MSTO1: variants seen among roughly 807,000 people sequenced by gnomAD.
MSTO1 encodes the protein protein misato homolog 1.
MSTO1 carries 24 observed loss-of-function variants against 55.7 expected under a neutral mutation model. The ratio of observed to expected loss-of-function variants is 0.43; its 90% CI spans 0.31 to 0.61. The LOEUF (loss-of-function observed/expected upper bound fraction) is 0.61. Ranked by LOEUF, MSTO1 falls within the 20% of genes least tolerant of loss-of-function variation. The pLI, the probability that MSTO1 is intolerant of heterozygous loss-of-function variation, is 0.09. For missense variants in MSTO1, 363 were observed against 625.7 expected (o/e 0.58, Z 4.48); for synonymous variants, 162 against 252.8 (o/e 0.64, Z 3.41).
upstream of MSTO1, among the ~76,000 whole-genome samples, chr1:155,606,787 C>T (rs1672943138): frequency 6.6e-6 from 1 of 152,046 alleles, no homozygotes. Flanking sequence ...TTCCAAAGTG[C>T]TGGGATTACA....
At chr1:155,606,863 C>A (rs978903006), upstream of MSTO1, among the ~76,000 whole-genome samples, 3 of 151,906 alleles carry the variant, frequency 2.0e-5, no homozygotes, top group South Asian at 6.2e-4. Flanking sequence ...GAGACAGAGT[C>A]TCCATCTGTC....
chr1:155,595,496 T>TC, the MSTO1 span, among the ~76,000 whole-genome samples: 1 of 150,052 alleles, frequency 6.7e-6, no homozygotes, highest in South Asian at 2.1e-4. Context: ...TTTTTCTTTT[T>TC]TTTTTTTTTT....
the MSTO1 span, chr1:155,563,374 G>T: frequency 1.3e-5 from 6 of 456,508 alleles, no homozygotes; most frequent in Admixed American, 7.0e-5. Context: ...TGAGGGAAAG[G>T]AGCGGGACTC....
chr1:155,589,959 C>T, the MSTO1 span, among the ~76,000 whole-genome samples: 104 of 144,952 alleles, frequency 7.2e-4, no homozygotes, highest in African/African-American at 2.5e-3. Context: ...TTTTTTTTTT[C>T]ACTAACAAAA....
chr1:155,590,225 C>G, the MSTO1 span, among the ~76,000 whole-genome samples: 1 of 152,014 alleles, frequency 6.6e-6, no homozygotes, highest in African/African-American at 2.4e-5. Flanking sequence ...AGCTGTCCAG[C>G]GACATCTAGG....
the MSTO1 span, among the ~76,000 whole-genome samples, chr1:155,602,425 G>A: frequency 6.6e-6 from 1 of 152,152 alleles, no homozygotes. Context: ...GCGGTGAGCG[G>A]AGATCTTGCC....
At chr1:155,602,613 A>T in the MSTO1 span, among the ~76,000 whole-genome samples, 1 of 152,186 alleles carries the variant, frequency 6.6e-6, no homozygotes, top group Non-Finnish European at 1.5e-5. Context: ...GTACCAACAG[A>T]CTATGGAGAA....
chr1:155,570,887 T>C, the MSTO1 span, among the ~76,000 whole-genome samples: 2 of 152,154 alleles, frequency 1.3e-5, no homozygotes, highest in Non-Finnish European at 2.9e-5. Context: ...TGTATTTCCT[T>C]CCTTCTTGCT....
chr1:155,586,984 G>C, the MSTO1 span, among the ~76,000 whole-genome samples: 5 of 152,136 alleles, frequency 3.3e-5, no homozygotes, highest in African/African-American at 1.2e-4. Context: ...CTGGCCTCAA[G>C]TTATCCACCT....
At chr1:155,601,955 T>C in the MSTO1 span, 2 of 270,814 alleles carry the variant, frequency 7.4e-6, no homozygotes, top group Admixed American at 4.6e-5. Flanking sequence ...GGGGTTTCAC[T>C]GTGTTAGCCA....
chr1:155,567,542 C>T, the MSTO1 span, among the ~76,000 whole-genome samples: 3 of 151,868 alleles, frequency 2.0e-5, no homozygotes, highest in South Asian at 2.1e-4. Flanking sequence ...CCTCGTGATC[C>T]GCCCGCCTCG....
the MSTO1 span, among the ~76,000 whole-genome samples, chr1:155,566,702 G>A: frequency 3.0e-4 from 46 of 151,662 alleles, 1 homozygote; most frequent in East Asian, 5.8e-4. Flanking sequence ...TGCAACCTCC[G>A]CCTCCCGGGT....
At chr1:155,594,192 A>G in the MSTO1 span, among the ~76,000 whole-genome samples, 5 of 151,776 alleles carry the variant, frequency 3.3e-5, no homozygotes, top group Non-Finnish European at 7.4e-5. Flanking sequence ...ACATGAAGCT[A>G]AGAGTTCGAC....
chr1:155,571,433 C>T, the MSTO1 span, among the ~76,000 whole-genome samples: 44 of 152,026 alleles, frequency 2.9e-4, no homozygotes, highest in African/African-American at 8.7e-4. Flanking sequence ...ATTGGACACC[C>T]CTGCTGTAGT....
chr1:155,595,002 G>A, the MSTO1 span, among the ~76,000 whole-genome samples: 1 of 151,992 alleles, frequency 6.6e-6, no homozygotes, highest in Non-Finnish European at 1.5e-5. Context: ...GCCAGATGTG[G>A]TGGTGCATGC....
Position 155,612,400 on chromosome 1 carries a change from C to T in MSTO1, c.814-18C>T, listed in dbSNP as rs916632784. On this transcript the variant is annotated intron_variant, in intron 8 of 13. Coordinates refer to ENST00000245564, the MANE Select transcript of MSTO1 (RefSeq NM_018116.4). The stretch of plus-strand genomic sequence containing the variant: ...CAGTGGGAGAGCTGCTTAATACAAA[C>T]TACTCTTTCTTCACCAGGAGGCCCA... 8 of 1,604,560 alleles carry T rather than the reference C, an allele frequency of 5.0e-6. No individual in the cohort carries two copies. In the Admixed American group the frequency reaches 1.4e-4, roughly 27 times the overall value.
chr1:155,579,891 A>C, the MSTO1 span, among the ~76,000 whole-genome samples: 414 of 152,170 alleles, frequency 2.7e-3, 1 homozygote, highest in African/African-American at 9.7e-3. Flanking sequence ...CAGACTGGCC[A>C]AAATGGTGAA....
chr1:155,563,521 C>T, the MSTO1 span: 1 of 456,426 alleles, frequency 2.2e-6, no homozygotes, highest in South Asian at 1.5e-5. Flanking sequence ...TGTTAACCCT[C>T]CTCGGATTTC....
chr1:155,614,758 T>A lies in MSTO1; in HGVS notation c.*485T>A. ...CTCCTCTTCAGACAGAAGGTCCCCA[T>A]GGTCAGACAGCTGGTCTGCATTGCT... On this transcript the variant is annotated 3_prime_UTR_variant, in exon 14 of 14. Coordinates refer to ENST00000245564, the MANE Select transcript of MSTO1 (RefSeq NM_018116.4). The A allele has an allele frequency of 6.4e-7, 1 of 1,565,560 alleles. No homozygotes were observed. Among genetic ancestry groups the A allele is most frequent in the Non-Finnish European group, 8.8e-7 (1 of 1,138,668 alleles).
Sources: allele counts gnomAD v4.1 joint callset (sites outside exome capture counted in the v4.1 genomes callset), GRCh38; gene constraint gnomAD v4.1.1; transcripts MANE v1.5; gene names NCBI Gene and HGNC (gene_info 2026-07-23, HGNC 2026-07-21).